The following TTBK2 variants were observed in gnomAD, a reference collection of about 807,000 sequenced individuals.
TTBK2 encodes the protein tau-tubulin kinase 2.
Under a neutral mutation model 110.8 loss-of-function variants are expected in TTBK2, and 28 were observed. The observed-to-expected ratio is 0.25, with a 90% CI of 0.19 to 0.35. The LOEUF (loss-of-function observed/expected upper bound fraction) is 0.35, where lower values mean the gene tolerates loss of function less well. Among genes scored for constraint, TTBK2 ranks in the 10% least tolerant of loss-of-function variants. The pLI is 1.00. For missense variants in TTBK2, 1,369 were observed against 1,500.3 expected (o/e 0.91, Z 1.45); for synonymous variants, 532 against 527.3 (o/e 1.01, Z -0.12).
chr15:42,849,485 A>C (rs969011359), intron 3 of TTBK2, among the ~76,000 whole-genome samples: 10 of 152,058 alleles, frequency 6.6e-5, no homozygotes, highest in African/African-American at 2.4e-4. Context: ...ATGAATTCAG[A>C]TTTGTCTGAT....
rs1259743923 is a variant in TTBK2 at position 42,840,538 on chromosome 15, A to G, written c.218-105T>C. ...TGTTTTATGATTGAATATAAAATAC[A>G]TCTTGAGAACCTTAAGGATAGAAAA... On this transcript the variant is annotated intron_variant, in intron 3 of 14. Coordinates refer to ENST00000267890, the MANE Select transcript of TTBK2 (RefSeq NM_173500.4). 11 of 1,019,152 alleles carry G rather than the reference A, an allele frequency of 1.1e-5. No individual in the cohort carries two copies. The East Asian group carries it at 2.4e-4, about 23-fold the overall frequency. The allele number at this position is 1,019,152 out of a possible 1,614,324, so 63.1% of individuals were successfully genotyped here.
rs1023084601 is a variant in TTBK2 at position 42,745,500 on chromosome 15, T to A, written c.*295A>T. On this transcript the variant is annotated 3_prime_UTR_variant, in exon 15 of 15. Transcript: ENST00000267890. ...TTCCATTCTATCTCCTATCCTCAAC[T>A]CTTTTGTTTCAAAGGCAGCTTAAAA... The A allele has an allele frequency of 4.3e-5, 18 of 421,248 alleles. No homozygotes were observed. In the South Asian group the frequency reaches 4.3e-4, roughly 10 times the overall value. The allele number at this position is 421,248 out of a possible 1,614,324, so 26.1% of individuals were successfully genotyped here. A position where few individuals can be genotyped will look rare whatever the true frequency, so the allele number is the denominator to read the frequency against.
At chr15:42,906,934 C>T (rs1342109953) in intron 1 of TTBK2, among the ~76,000 whole-genome samples, 1 of 151,454 alleles carries the variant, frequency 6.6e-6, no homozygotes, top group African/African-American at 2.4e-5. Flanking sequence ...CCTATAATCT[C>T]AGCAATCTGG....
At chr15:42,803,060 G>C (rs1183582092) in intron 9 of TTBK2, among the ~76,000 whole-genome samples, 5 of 152,082 alleles carry the variant, frequency 3.3e-5, no homozygotes, top group African/African-American at 7.2e-5. Flanking sequence ...GCCTATTGTG[G>C]GACCCTGTGA....
intron 1 of TTBK2, 140 bp from the exon 2 acceptor site, chr15:42,878,824 G>T: frequency 9.4e-7 from 1 of 1,063,950 alleles, no homozygotes; most frequent in Non-Finnish European, 1.3e-6. Context: ...AAAAGACCTA[G>T]AAATGTTTGA....
intron 1 of TTBK2, among the ~76,000 whole-genome samples, chr15:42,901,355 C>G (rs943787146): frequency 6.6e-6 from 1 of 151,186 alleles, no homozygotes; most frequent in Non-Finnish European, 1.5e-5. Context: ...GAGCAAGACT[C>G]CGTCTTGAAA....
At chr15:42,801,637 G>T in intron 9 of TTBK2, 1 of 836,034 alleles carries the variant, frequency 1.2e-6, no homozygotes, top group Non-Finnish European at 2.1e-6. Flanking sequence ...CCTCAGGGAT[G>T]ATGCTGTCCA....
At chr15:42,770,877 G>C (rs936586079) in intron 13 of TTBK2, among the ~76,000 whole-genome samples, 4 of 152,114 alleles carry the variant, frequency 2.6e-5, no homozygotes, top group African/African-American at 9.7e-5. Context: ...ATAACTCCAT[G>C]AGCTTTCACA....
intron 1 of TTBK2, among the ~76,000 whole-genome samples, chr15:42,911,297 T>C (rs2030741729): frequency 6.6e-6 from 1 of 152,172 alleles, no homozygotes; most frequent in Non-Finnish European, 1.5e-5. Context: ...CCTTGATACA[T>C]ATCCCATCGA....
chr15:42,915,780 A>G (rs1309285955), intron 1 of TTBK2, among the ~76,000 whole-genome samples: 8 of 152,002 alleles, frequency 5.3e-5, no homozygotes, highest in Admixed American at 5.3e-4. Context: ...GACCCCACCT[A>G]TACAAAAAAT....
At chr15:42,802,388 G>A (rs779276449) in intron 9 of TTBK2, 9 of 755,902 alleles carry the variant, frequency 1.2e-5, no homozygotes, top group Admixed American at 5.2e-5. Flanking sequence ...TAGGACTTCC[G>A]GGTCACCCTG....
intron 1 of TTBK2, among the ~76,000 whole-genome samples, chr15:42,909,217 C>A (rs1277957702): frequency 6.6e-6 from 1 of 152,208 alleles, no homozygotes; most frequent in Non-Finnish European, 1.5e-5. Context: ...TTCTTACACA[C>A]TACAGTCTCA....
chr15:42,893,835 T>C (rs527922962), intron 1 of TTBK2, among the ~76,000 whole-genome samples: 1 of 152,256 alleles, frequency 6.6e-6, no homozygotes, highest in South Asian at 2.1e-4. Flanking sequence ...TTAGGAAACA[T>C]AATGAACAAC....
intron 4 of TTBK2, among the ~76,000 whole-genome samples, chr15:42,832,765 C>T (rs987211433): frequency 5.3e-5 from 8 of 152,104 alleles, no homozygotes; most frequent in African/African-American, 1.9e-4. Flanking sequence ...CCCTTTAGTC[C>T]AGCGTATCCA....
At chr15:42,856,413 T>G (rs1354430048) in intron 3 of TTBK2, among the ~76,000 whole-genome samples, 1 of 151,186 alleles carries the variant, frequency 6.6e-6, no homozygotes, top group Non-Finnish European at 1.5e-5. Context: ...AAAAAGTAGG[T>G]GAGAACAAAC....
intron 3 of TTBK2, among the ~76,000 whole-genome samples, chr15:42,859,008 T>C (rs1894052207): frequency 6.6e-6 from 1 of 152,216 alleles, no homozygotes; most frequent in African/African-American, 2.4e-5. Flanking sequence ...CAGCATTCTG[T>C]TCTTCCTAAC....
chr15:42,863,816 G>A (rs1045950764), intron 3 of TTBK2, among the ~76,000 whole-genome samples: 2 of 152,122 alleles, frequency 1.3e-5, no homozygotes, highest in Non-Finnish European at 2.9e-5. Context: ...AAGTCAACAA[G>A]AGCAAGAAAT....
At chr15:42,804,304 C>T (rs751036732) in intron 9 of TTBK2, among the ~76,000 whole-genome samples, 5 of 151,806 alleles carry the variant, frequency 3.3e-5, no homozygotes, top group South Asian at 2.1e-4. Context: ...ATTAGCTGGG[C>T]GTGGTAGCAC....
intron 10 of TTBK2, among the ~76,000 whole-genome samples, chr15:42,790,574 CTG>C (rs1890617374): frequency 6.6e-6 from 1 of 152,192 alleles, no homozygotes; most frequent in Non-Finnish European, 1.5e-5. Flanking sequence ...GCATGAGCCA[CTG>C]TGCCTGGCCC....
Sources: gnomAD v4.1 joint callset for allele counts (sites outside exome capture counted in the v4.1 genomes callset) on GRCh38, gnomAD v4.1.1 for gene constraint, MANE v1.5 for transcripts, NCBI Gene and HGNC (gene_info 2026-07-23, HGNC 2026-07-21) for gene names.